Variants in GPX8 observed in about 807,000 individuals in gnomAD.
GPX8 encodes the protein protein peroxidase GPX8.
In GPX8, 12 loss-of-function variants were observed where a neutral mutation model predicts 17.8. The observed-to-expected ratio is 0.67, with a 90% CI of 0.43 to 1.09. The LOEUF (loss-of-function observed/expected upper bound fraction) is 1.09. GPX8 is among the 50% of genes least tolerant of loss of function. The probability of loss-of-function intolerance (pLI) is 0.00; values close to 1 mark genes in which losing one functional copy is unlikely to be tolerated. For synonymous variants in GPX8, 86 were observed against 88.1 expected, an observed-to-expected ratio of 0.98 and a Z score of 0.14; for missense variants, 209 against 235.6, an observed-to-expected ratio of 0.89 and a Z score of 0.74.
At position 55,164,905 on chromosome 5, in the gene GPX8, A is replaced by C. The variant is rs761455533; in HGVS notation, c.*687A>C. The C allele has an allele frequency of 1.3e-4, 20 of 152,322 alleles. No homozygotes were observed. Among genetic ancestry groups the C allele is most frequent in the Non-Finnish European group, 2.4e-4 (16 of 68,026 alleles). The allele number at this position is 152,322 out of a possible 1,614,324, so 9.4% of individuals were successfully genotyped here. A position where few individuals can be genotyped will look rare whatever the true frequency, so the allele number is the denominator to read the frequency against. ...ATGACCGTATTATAACATTTGAAAA[A>C]GTCTTCATCATTTTCAGTATTTCTC... On this transcript the variant is annotated 3_prime_UTR_variant, in exon 3 of 3. Coordinates refer to ENST00000503787, the MANE Select transcript of GPX8 (RefSeq NM_001008397.4).
rs1744241463 is a variant in GPX8 at position 55,164,046 on chromosome 5, A to G, written c.467-9A>G. 5 of 1,553,968 alleles carry G rather than the reference A, an allele frequency of 3.2e-6. No individual in the cohort carries two copies. The East Asian group carries it at 1.1e-4, about 35-fold the overall frequency. ...TTATGCTCATGAAAATATGTTCTGG[A>G]TATTTTAGATTCTTCAAAGAAGGAA... On this transcript the variant is annotated splice_polypyrimidine_tract_variant and intron_variant, in intron 2 of 2. Coordinates refer to ENST00000503787, the MANE Select transcript of GPX8 (RefSeq NM_001008397.4).
chr5:55,163,838 C>A (rs1334813106), intron 2 of GPX8, among the ~76,000 whole-genome samples: 1 of 149,172 alleles, frequency 6.7e-6, no homozygotes, highest in Non-Finnish European at 1.5e-5. Context: ...ACTAAGATCA[C>A]ATACTAGATG....
chr5:55,161,033 A>G lies in GPX8; in HGVS notation c.244A>G (p.Thr82Ala), dbSNP rs1357289287. Residue 82 changes from threonine (T) to alanine (A), a missense_variant, in exon 2 of 3, where the codon ACA becomes GCA. Physicochemically the swap from Thr to Ala is moderately conservative, Grantham distance 58 (BLOSUM62 0). Transcript: ENST00000503787. ...AAACGTGGCCAGTGACTGCCAACTC[A>G]CAGACAGAAATTACTTAGGGCTGAA... is the stretch of plus-strand genomic sequence containing the variant. Reference protein sequence around the residue: ...VVNVASDCQLTDRNYLGLKEL... With the variant: ...VVNVASDCQLADRNYLGLKEL... The G allele has an allele frequency of 3.1e-6, 5 of 1,614,010 alleles. No homozygotes were observed. Among genetic ancestry groups the G allele is most frequent in the Non-Finnish European group, 2.5e-6 (3 of 1,179,960 alleles).
chr5:55,164,551 A>G lies in GPX8; in HGVS notation c.*333A>G, dbSNP rs886540658. The stretch of plus-strand genomic sequence containing the variant: ...CCATACTAAAGAATTCAGAATACAC[A>G]GTGACCAATGTGCCTCAATATCTTA... On this transcript the variant is annotated 3_prime_UTR_variant, in exon 3 of 3. Coordinates refer to ENST00000503787, the MANE Select transcript of GPX8 (RefSeq NM_001008397.4). 1 of 162,846 alleles carries G rather than the reference A, an allele frequency of 6.1e-6. No homozygotes were observed. Among genetic ancestry groups the G allele is most frequent in the Non-Finnish European group, 1.3e-5 (1 of 75,374 alleles). 10.1% of individuals were successfully genotyped at this position (162,846 alleles called of 1,614,324 possible).
intron 2 of GPX8, among the ~76,000 whole-genome samples, chr5:55,162,118 G>A (rs367578886): frequency 1.8e-4 from 27 of 150,408 alleles, no homozygotes; most frequent in African/African-American, 6.4e-4. Flanking sequence ...AAAAAAGGCC[G>A]GGCGCGGTGG....
intron 2 of GPX8, among the ~76,000 whole-genome samples, chr5:55,163,016 A>C (rs1281870895): frequency 6.6e-6 from 1 of 152,174 alleles, no homozygotes; most frequent in Non-Finnish European, 1.5e-5. Context: ...GATGATAATA[A>C]TACCCACCTC....
chr5:55,161,195 A>G lies in GPX8; in HGVS notation c.406A>G (p.Ile136Val). The change falls in exon 2 of 3, where the codon ATC becomes GTC. Residue 136 changes from isoleucine to valine, a missense_variant. Physicochemically the swap from Ile to Val is conservative, Grantham distance 29. Transcript: ENST00000503787. ...AAAAAACTACGGAGTAACTTTCCCC[A>G]TCTTCCACAAGATTAAGATTCTAGG... ...ARKNYGVTFP[I>V]FHKIKILGSE... The G allele has an allele frequency of 1.2e-6, 2 of 1,614,134 alleles. No individual in the cohort carries two copies. The highest frequency in any genetic ancestry group is 1.1e-5 in the South Asian group (1 of 91,082).
chr5:55,160,957 T>C (rs745779383), intron 1 of GPX8, 37 bp from the exon 2 acceptor site: 1 of 1,580,178 alleles, frequency 6.3e-7, no homozygotes, highest in Non-Finnish European at 8.6e-7. Context: ...AATCTTTTGC[T>C]TCACTTTCCG....
In GPX8 at chr5:55,161,353, C is replaced by T. The variant is rs1430868580; in HGVS notation, c.466+98C>T. 6 of 1,185,794 alleles carry T rather than the reference C, an allele frequency of 5.1e-6. No individual in the cohort carries two copies. In the South Asian group the frequency reaches 6.0e-5, roughly 12 times the overall value. The allele number at this position is 1,185,794 out of a possible 1,614,324, so 73.5% of individuals were successfully genotyped here. A position where few individuals can be genotyped will look rare whatever the true frequency, so the allele number is the denominator to read the frequency against. On this transcript the variant is annotated intron_variant, in intron 2 of 2. Coordinates refer to ENST00000503787, the MANE Select transcript of GPX8 (RefSeq NM_001008397.4). Reference sequence around the variant, plus strand: ...TCCTATTTCATTTGAAACGTTGTATCGGGAAAGCTTCATAAAACTATCATC... The same window carrying T: ...TCCTATTTCATTTGAAACGTTGTATTGGGAAAGCTTCATAAAACTATCATC...
chr5:55,164,074 A>G lies in GPX8; in HGVS notation c.486A>G (p.Pro162=). The part of the protein sequence containing the change: ...RFLVDSSKKE[P]RWNFWKYLVN... ...TTTTAGATTCTTCAAAGAAGGAACC[A>G]AGGTGGAATTTTTGGAAGTATCTTG... The change falls in exon 3 of 3, where the codon CCA becomes CCG. Residue 162 remains proline, a synonymous_variant. Transcript: ENST00000503787. 2 of 1,591,978 alleles carry G rather than the reference A, an allele frequency of 1.3e-6. No homozygotes were observed. The highest frequency in any genetic ancestry group is 2.3e-5 in the South Asian group (2 of 87,016).
rs1357928883 is a variant in GPX8, at chr5:55,167,025, A to G, written c.*2807A>G. 1.3e-5 allele frequency: 2 copies of G among 152,190 alleles called. No individual in the cohort carries two copies. The highest frequency in any genetic ancestry group is 4.8e-5 in the African/African-American group (2 of 41,436). 9.4% of individuals were successfully genotyped at this position (152,190 alleles called of 1,614,324 possible). ...AACCTGGGCAACAGAGCGAGACCCC[A>G]TCTTAAAGACCCTGTCTCAAAAAAG... On this transcript the variant is annotated 3_prime_UTR_variant, in exon 3 of 3. Coordinates refer to ENST00000503787, the MANE Select transcript of GPX8 (RefSeq NM_001008397.4).
intron 2 of GPX8, 27 bp from the exon 3 acceptor site, chr5:55,164,028 C>T: frequency 6.7e-7 from 1 of 1,485,038 alleles, no homozygotes; most frequent in Non-Finnish European, 9.1e-7. Flanking sequence ...AAATTATGCT[C>T]ATGAAAATAT....
Position 55,161,073 on chromosome 5 carries a change from A to G in GPX8, c.284A>G (p.Glu95Gly). Residue 95 changes from glutamate (E) to glycine (G), a missense_variant, in exon 2 of 3, where the codon GAG becomes GGG. Transcript: ENST00000503787. The part of the protein sequence containing the change: ...NYLGLKELHK[E>G]FGPSHFSVLA... The stretch of plus-strand genomic sequence containing the variant: ...TTAGGGCTGAAGGAACTGCACAAAG[A>G]GTTTGGACCATCCCACTTCAGCGTG... 1 of 1,614,174 alleles carries G rather than the reference A, an allele frequency of 6.2e-7. No individual in the cohort carries two copies. The highest frequency in any genetic ancestry group is 8.5e-7 in the Non-Finnish European group (1 of 1,180,024).
intron 2 of GPX8, among the ~76,000 whole-genome samples, chr5:55,162,377 A>G (rs1744125283): frequency 6.6e-6 from 1 of 152,222 alleles, no homozygotes; most frequent in African/African-American, 2.4e-5. Context: ...CCTGGGCGAC[A>G]GAGCAAGCCT....
At chr5:55,160,883 T>C in intron 1 of GPX8, 111 bp from the exon 2 acceptor site, 1 of 1,121,202 alleles carries the variant, frequency 8.9e-7, no homozygotes, top group Non-Finnish European at 1.2e-6. Context: ...GAAAAAAACA[T>C]CAATCAGAGG....
In GPX8 at chr5:55,163,946, A is replaced by G. The variant is rs1053423624; in HGVS notation, c.467-109A>G. On this transcript the variant is annotated intron_variant, in intron 2 of 2. Coordinates refer to ENST00000503787, the MANE Select transcript of GPX8 (RefSeq NM_001008397.4). ...GGTGTTTTGTTTTTTATATTATGAC[A>G]GTCCTAGAACTTGATACTAAAGTTA... is the stretch of plus-strand genomic sequence containing the variant. The G allele has an allele frequency of 1.2e-5, 9 of 765,060 alleles. No homozygotes were observed. The South Asian group carries it at 2.0e-4, about 17-fold the overall frequency. The allele number at this position is 765,060 out of a possible 1,614,324, so 47.4% of individuals were successfully genotyped here. A position where few individuals can be genotyped will look rare whatever the true frequency, so the allele number is the denominator to read the frequency against.
intron 2 of GPX8, among the ~76,000 whole-genome samples, 159 bp from the exon 3 acceptor site, chr5:55,163,896 C>G (rs1268437425): frequency 6.6e-6 from 1 of 150,528 alleles, no homozygotes; most frequent in Non-Finnish European, 1.5e-5. Context: ...TCTGGTTACT[C>G]TAACCTTGAG....
At chr5:55,163,674 T>G (rs1744214813) in intron 2 of GPX8, among the ~76,000 whole-genome samples, 1 of 151,340 alleles carries the variant, frequency 6.6e-6, no homozygotes, top group African/African-American at 2.4e-5. Flanking sequence ...ACCCGGCTAA[T>G]TTTTTGTATT....
chr5:55,162,123 C>T (rs1308700904), intron 2 of GPX8, among the ~76,000 whole-genome samples: 12 of 148,024 alleles, frequency 8.1e-5, no homozygotes, highest in South Asian at 2.1e-4. Context: ...AGGCCGGGCG[C>T]GGTGGCTCAC....
Sources: gnomAD v4.1 joint callset for allele counts (sites outside exome capture counted in the v4.1 genomes callset) on GRCh38, gnomAD v4.1.1 for gene constraint, MANE v1.5 for transcripts, NCBI Gene and HGNC (gene_info 2026-07-23, HGNC 2026-07-21) for gene names.